The following GNPAT variants were observed in gnomAD, a reference collection of about 807,000 sequenced individuals.
The protein encoded by GNPAT is glyceronephosphate O-acyltransferase.
In GNPAT, 30 loss-of-function variants were observed where a neutral mutation model predicts 78.4. That is an observed-to-expected ratio of 0.38 (90% confidence interval 0.29 to 0.52). The LOEUF (loss-of-function observed/expected upper bound fraction) is 0.52, where lower values mean the gene tolerates loss of function less well. GNPAT is among the 20% of genes least tolerant of loss of function. The probability of loss-of-function intolerance (pLI) is 0.84; values close to 1 mark genes in which losing one functional copy is unlikely to be tolerated. For synonymous variants in GNPAT, 271 were observed against 281.1 expected, an observed-to-expected ratio of 0.96 and a Z score of 0.36; for missense variants, 714 against 812.2, an observed-to-expected ratio of 0.88 and a Z score of 1.47.
chr1:231,255,077 A>G (rs151262365), intron 2 of GNPAT, among the ~76,000 whole-genome samples: 46 of 152,232 alleles, frequency 3.0e-4, no homozygotes, highest in Non-Finnish European at 5.9e-4. Context: ...AACTATTGTT[A>G]GTGCTCTCTC....
chr1:231,265,561 T>C lies in GNPAT; in HGVS notation c.696+141T>C, dbSNP rs1355742832. The C allele has an allele frequency of 1.0e-5, 9 of 897,202 alleles. No homozygotes were observed. The South Asian group carries it at 1.2e-4, about 12-fold the overall frequency. The allele number at this position is 897,202 out of a possible 1,614,324, so 55.6% of individuals were successfully genotyped here. On this transcript the variant is annotated intron_variant, in intron 5 of 15. Coordinates refer to ENST00000366647, the MANE Select transcript of GNPAT (RefSeq NM_014236.4). ...CTGCTTATAACCTCAGCAATTGGTT[T>C]AATCTGTGTGACTCTCTTGTTTAAT...
intron 11 of GNPAT, among the ~76,000 whole-genome samples, chr1:231,273,011 C>T (rs2102825707): frequency 6.6e-6 from 1 of 152,172 alleles, no homozygotes; most frequent in Admixed American, 6.6e-5. Context: ...AATCAGCACA[C>T]ATTTTCCTGT....
Position 231,268,176 on chromosome 1 carries a change from G to A in GNPAT, c.1279+273G>A, listed in dbSNP as rs572336543. On this transcript the variant is annotated intron_variant, in intron 9 of 15. Transcript: ENST00000366647. Reference sequence around the variant, plus strand: ...AAATTAACCAGGCGTGGTGGTAGGCGCCTGTAGTCCCAGCTACTCGGGAGG... The same window carrying A: ...AAATTAACCAGGCGTGGTGGTAGGCACCTGTAGTCCCAGCTACTCGGGAGG... Among the ~76,000 whole-genome samples the A allele has an allele frequency of 6.6e-5, 10 of 152,138 alleles. No homozygotes were observed. In the South Asian group the frequency reaches 1.2e-3, roughly 19 times the overall value.
intron 9 of GNPAT, among the ~76,000 whole-genome samples, chr1:231,269,577 G>A (rs191928433): frequency 6.6e-6 from 1 of 152,180 alleles, no homozygotes; most frequent in Non-Finnish European, 1.5e-5. Flanking sequence ...CACCAAGAGA[G>A]AGACAAATCA....
rs1313858069 is a variant in GNPAT, at chr1:231,277,880, A to G, written c.*338A>G. On this transcript the variant is annotated 3_prime_UTR_variant, in exon 16 of 16. Coordinates refer to ENST00000366647, the MANE Select transcript of GNPAT (RefSeq NM_014236.4). Reference sequence around the variant, plus strand: ...ATGTTGACTTTTGAATTAAAGTATGACAACACTGAAAGCTCTGGATATTAA... The same window carrying G: ...ATGTTGACTTTTGAATTAAAGTATGGCAACACTGAAAGCTCTGGATATTAA... The G allele has an allele frequency of 9.9e-6, 2 of 202,496 alleles. No homozygotes were observed. Among genetic ancestry groups the G allele is most frequent in the Non-Finnish European group, 2.0e-5 (2 of 99,374 alleles). 12.5% of individuals were successfully genotyped at this position (202,496 alleles called of 1,614,324 possible).
chr1:231,266,316 G>A lies in GNPAT; in HGVS notation c.964G>A (p.Gly322Arg), dbSNP rs764636128. The A allele has an allele frequency of 1.1e-5, 18 of 1,613,904 alleles. No individual in the cohort carries two copies. The Admixed American group carries it at 2.5e-4, about 22-fold the overall frequency. Reference sequence around the variant, plus strand: ...CAGAAAGATTCTCTCTGAAAATTTTGGAAGCATCCATGTGTACTTTGGAGA... The same window carrying A: ...CAGAAAGATTCTCTCTGAAAATTTTAGAAGCATCCATGTGTACTTTGGAGA... ...KARKILSENFGSIHVYFGDPV... is the reference protein window; with the variant it reads ...KARKILSENFRSIHVYFGDPV... The change falls in exon 8 of 16, where the codon GGA (glycine) becomes AGA (arginine). Residue 322 changes from glycine to arginine, a missense_variant. By Grantham distance (125) the Gly-to-Arg change is moderately radical. Transcript: ENST00000366647.
In GNPAT at chr1:231,267,737, C is replaced by A; in HGVS notation, c.1113C>A (p.Tyr371Ter). The A allele has an allele frequency of 6.2e-7, 1 of 1,613,094 alleles. No homozygotes were observed. The highest frequency in any genetic ancestry group is 8.5e-7 in the Non-Finnish European group (1 of 1,179,066). The stretch of plus-strand genomic sequence containing the variant: ...ATGCCTTTGTCACTGAAGTTGCCTA[C>A]AAAATGGAGCTTCTGCAAATTGAAA... The part of the protein sequence containing the change: ...DMHAFVTEVA[Y>*]KMELLQIENM... Residue 371 changes from tyrosine to a stop codon, truncating the protein, a stop_gained, in exon 9 of 16, where the codon TAC (tyrosine) becomes TAA (stop). Coordinates refer to ENST00000366647, the MANE Select transcript of GNPAT (RefSeq NM_014236.4). LOFTEE classifies it high-confidence loss of function.
chr1:231,241,296 T>G lies in GNPAT; in HGVS notation c.-83T>G, dbSNP rs1571924520. On this transcript the variant is annotated 5_prime_UTR_variant, in exon 1 of 16. Transcript: ENST00000366647. The stretch of plus-strand genomic sequence containing the variant: ...CGCCCTAGGCGAAGTAGGGCCGTCC[T>G]GAGCGAAAGAACCGCCCCCAGCAGG... 1 of 1,422,888 alleles carries G rather than the reference T, an allele frequency of 7.0e-7. No individual in the cohort carries two copies. The highest frequency in any genetic ancestry group is 1.4e-5 in the African/African-American group (1 of 71,188). The allele number at this position is 1,422,888 out of a possible 1,614,324, so 88.1% of individuals were successfully genotyped here.
rs745935206 is a variant in GNPAT at position 231,266,388 on chromosome 1, T to C, written c.1036T>C (p.Ser346Pro). Reference sequence around the variant, plus strand: ...GGCAGCTGGGAGGATGAGTCGGAGCTCATATAACTTGGTTCCAAGGTGTGA... The same window carrying C: ...GGCAGCTGGGAGGATGAGTCGGAGCCCATATAACTTGGTTCCAAGGTGTGA... ...SLAAGRMSRSSYNLVPRYIPQ... is the reference protein window; with the variant it reads ...SLAAGRMSRSPYNLVPRYIPQ... The change falls in exon 8 of 16, where the codon TCA becomes CCA. Residue 346 changes from serine (S) to proline (P), a missense_variant. Transcript: ENST00000366647. The C allele has an allele frequency of 9.9e-6, 16 of 1,613,888 alleles. No individual in the cohort carries two copies. In the East Asian group the frequency reaches 3.6e-4, roughly 36 times the overall value.
At chr1:231,260,475 A>C in intron 2 of GNPAT, 32 bp from the exon 3 acceptor site, 1 of 1,501,064 alleles carries the variant, frequency 6.7e-7, no homozygotes, top group Non-Finnish European at 9.3e-7. Context: ...TATTGTTGTT[A>C]GAAATTATTC....
intron 1 of GNPAT, among the ~76,000 whole-genome samples, chr1:231,249,141 C>G (rs1021760940): frequency 1.3e-5 from 2 of 152,140 alleles, no homozygotes; most frequent in Non-Finnish European, 2.9e-5. Flanking sequence ...TGGCTGCAGT[C>G]TATAGAGCGC....
chr1:231,277,681 A>C lies in GNPAT; in HGVS notation c.*139A>C. ...TCTGAGAACAGTGGACGCAGAGGGA[A>C]GAGATGATCATTGGAAGCAATCAGT... On this transcript the variant is annotated 3_prime_UTR_variant, in exon 16 of 16. Coordinates refer to ENST00000366647, the MANE Select transcript of GNPAT (RefSeq NM_014236.4). 1 of 678,456 alleles carries C rather than the reference A, an allele frequency of 1.5e-6. No homozygotes were observed. Among genetic ancestry groups the C allele is most frequent in the Non-Finnish European group, 2.7e-6 (1 of 369,782 alleles). 42.0% of individuals were successfully genotyped at this position (678,456 alleles called of 1,614,324 possible).
At chr1:231,275,118 T>C (rs1263829020) in intron 12 of GNPAT, 103 bp from the exon 13 acceptor site, 5 of 760,512 alleles carry the variant, frequency 6.6e-6, no homozygotes, top group African/African-American at 3.4e-5. Context: ...TCTTGTGATA[T>C]ATCCTTCTCT....
intron 10 of GNPAT, among the ~76,000 whole-genome samples, chr1:231,271,726 G>C (rs1685570858): frequency 6.6e-6 from 1 of 152,174 alleles, no homozygotes; most frequent in Non-Finnish European, 1.5e-5. Flanking sequence ...ATGGGGTAGG[G>C]AAAAATGAAG....
chr1:231,267,648 T>A, intron 8 of GNPAT, 32 bp from the exon 9 acceptor site: 1 of 1,180,300 alleles, frequency 8.5e-7, no homozygotes, highest in South Asian at 1.2e-5. Flanking sequence ...GTAACAGAAC[T>A]GTAATTTGTT....
intron 9 of GNPAT, among the ~76,000 whole-genome samples, chr1:231,268,660 C>T (rs1685461779): frequency 6.6e-6 from 1 of 151,384 alleles, no homozygotes; most frequent in Non-Finnish European, 1.5e-5. Flanking sequence ...GTAATCCCAG[C>T]ACTTTGGGAG....
intron 11 of GNPAT, among the ~76,000 whole-genome samples, chr1:231,273,599 G>A (rs1405945280): frequency 1.3e-5 from 2 of 152,152 alleles, no homozygotes; most frequent in Non-Finnish European, 2.9e-5. Flanking sequence ...AGGACTTGCT[G>A]TATGTATTTC....
At position 231,276,630 on chromosome 1, in the gene GNPAT, C is replaced by G. The variant is rs78175364; in HGVS notation, c.1999+434C>G. 3.4e-4 allele frequency among the ~76,000 whole-genome samples: 52 copies of G among 152,310 alleles called. No homozygotes were observed. The East Asian group carries it at 8.3e-3, about 24-fold the overall frequency. ...TCAGAATTAGGGCTGATAGCACATC[C>G]TTGGGAGAATAATCCAACCCTTACT... is the stretch of plus-strand genomic sequence containing the variant. On this transcript the variant is annotated intron_variant, in intron 15 of 15. Coordinates refer to ENST00000366647, the MANE Select transcript of GNPAT (RefSeq NM_014236.4).
chr1:231,247,614 A>G (rs1231664891), intron 1 of GNPAT, among the ~76,000 whole-genome samples: 22 of 152,194 alleles, frequency 1.4e-4, no homozygotes. Flanking sequence ...TGCCCCTCTC[A>G]ATAACTGGTA....
Sources: allele counts gnomAD v4.1 joint callset (sites outside exome capture counted in the v4.1 genomes callset), GRCh38; gene constraint gnomAD v4.1.1; transcripts MANE v1.5; gene names NCBI Gene and HGNC (gene_info 2026-07-23, HGNC 2026-07-21).